The following PCDHGB1 variants were observed in gnomAD, a reference collection of about 807,000 sequenced individuals.
PCDHGB1 encodes the protein protocadherin gamma subfamily B, 1.
Under a neutral mutation model 56.6 loss-of-function variants are expected in PCDHGB1, and 34 were observed. The observed-to-expected ratio is 0.60, with a 90% CI of 0.46 to 0.80. The LOEUF (loss-of-function observed/expected upper bound fraction) is 0.80. PCDHGB1 is among the 30% of genes least tolerant of loss of function. The probability of loss-of-function intolerance (pLI) is 0.00; values close to 1 mark genes in which losing one functional copy is unlikely to be tolerated. For synonymous variants in PCDHGB1, 561 were observed against 505.9 expected (o/e 1.11, Z -1.46); for missense variants, 1,278 against 1,204.6 (o/e 1.06, Z -0.90).
Position 141,489,866 on chromosome 5 carries a change from A to AGCTGGT in PCDHGB1, c.2410-4937_2410-4932dup. ...GATCGTGAAGCCCAGGCAAGACATC[A>AGCTGGT]GCTGGTGCTTACTGCTGTGGATGGG... On this transcript the variant is annotated intron_variant, in intron 1 of 3. Coordinates refer to ENST00000523390, the MANE Select transcript of PCDHGB1 (RefSeq NM_018922.3). The surrounding 1 kb of genome is among the most constrained non-coding windows in gnomAD (Gnocchi z 4.5). The AGCTGGT allele has an allele frequency of 1.2e-6, 2 of 1,614,220 alleles. No individual in the cohort carries two copies. The highest frequency in any genetic ancestry group is 1.7e-6 in the Non-Finnish European group (2 of 1,180,018).
chr5:141,489,794 T>TA lies in PCDHGB1; in HGVS notation c.2410-5009dup. The TA allele has an allele frequency of 1.2e-6, 2 of 1,614,120 alleles. No homozygotes were observed. The highest frequency in any genetic ancestry group is 2.2e-5 in the South Asian group (2 of 91,076). The stretch of plus-strand genomic sequence containing the variant: ...CACTTCTCTCTGAATGTGAAGACCC[T>TA]AAAAGATGGGAAGCCATTCCCAGAG... On this transcript the variant is annotated intron_variant, in intron 1 of 3. Transcript: ENST00000523390. This position sits in a 1 kb window ranked among gnomAD's most constrained non-coding sequence, Gnocchi z 4.5.
chr5:141,477,433 C>T lies in PCDHGB1; in HGVS notation c.2410-17374C>T, dbSNP rs1389102640. On this transcript the variant is annotated intron_variant, in intron 1 of 3. Transcript: ENST00000523390. The surrounding 1 kb of genome is among the most constrained non-coding windows in gnomAD (Gnocchi z 4.9). ...ACGCCGGAACCCCTTCCCTCTCAGCCCTTACAATAGTGCGTGTTCAAGTGT... is the reference window on the plus strand; with the variant it reads ...ACGCCGGAACCCCTTCCCTCTCAGCTCTTACAATAGTGCGTGTTCAAGTGT... 6.2e-7 allele frequency: 1 copy of T among 1,614,048 alleles called. No individual in the cohort carries two copies. The highest frequency in any genetic ancestry group is 2.2e-5 in the East Asian group (1 of 44,892).
chr5:141,432,138 A>C lies in PCDHGB1; in HGVS notation c.2410-62669A>C, dbSNP rs2097456794. On this transcript the variant is annotated intron_variant, in intron 1 of 3. Coordinates refer to ENST00000523390, the MANE Select transcript of PCDHGB1 (RefSeq NM_018922.3). The surrounding 1 kb of genome is among the most constrained non-coding windows in gnomAD (Gnocchi z 6.0). ...TTCCCTCAGGCCTCCTATTCCGCTT[A>C]TATCCCAGAGAACAATCCCAGAGGA... 1 of 1,613,954 alleles carries C rather than the reference A, an allele frequency of 6.2e-7. No individual in the cohort carries two copies. Among genetic ancestry groups the C allele is most frequent in the African/African-American group, 1.3e-5 (1 of 74,882 alleles).
rs201021035 is a variant in PCDHGB1 at position 141,398,584 on chromosome 5, A to G, written c.2409+45915A>G. 8.7e-5 allele frequency: 141 copies of G among 1,614,066 alleles called. 1 individual carries two copies. In the African/African-American group the frequency reaches 1.0e-3, roughly 12 times the overall value. ...GTCTGCACAGCCTGGCACAAGATTT[A>G]TACTAGAAGTAGCAGAAGATGCAGA... On this transcript the variant is annotated intron_variant, in intron 1 of 3. Transcript: ENST00000523390.
intron 1 of PCDHGB1, chr5:141,390,466 G>A: frequency 1.4e-6 from 1 of 712,034 alleles, no homozygotes; most frequent in East Asian, 2.7e-5. Context: ...AGGAGCAATT[G>A]TGTGGCCCAA....
chr5:141,379,512 A>C (rs1476847864), intron 1 of PCDHGB1: 1 of 152,258 alleles, frequency 6.6e-6, no homozygotes, highest in African/African-American at 2.4e-5. Context: ...GTTAAACTAC[A>C]TCTTGAGCAT....
rs532502013 is a variant in PCDHGB1 at position 141,404,723 on chromosome 5, G to A, written c.2409+52054G>A. 3.1e-6 allele frequency: 5 copies of A among 1,614,094 alleles called. No individual in the cohort carries two copies. Among genetic ancestry groups the A allele is most frequent in the Middle Eastern group, 1.6e-4 (1 of 6,062 alleles). On this transcript the variant is annotated intron_variant, in intron 1 of 3. Coordinates refer to ENST00000523390, the MANE Select transcript of PCDHGB1 (RefSeq NM_018922.3). ...AGAGCCTGGCTACCTGGTGACCAAG[G>A]TGGTGGCAGTGGACAGAGACTCAGG...
chr5:141,478,847 AAC>A (rs2099480409), intron 1 of PCDHGB1: 1 of 1,389,782 alleles, frequency 7.2e-7, no homozygotes, highest in South Asian at 1.5e-5. Context: ...GTTAAGCTAA[AAC>A]ACAAGATCTC....
Position 141,491,886 on chromosome 5 carries a change from G to A in PCDHGB1, c.2410-2921G>A. On this transcript the variant is annotated intron_variant, in intron 1 of 3. Coordinates refer to ENST00000523390, the MANE Select transcript of PCDHGB1 (RefSeq NM_018922.3). The surrounding 1 kb of genome is among the most constrained non-coding windows in gnomAD (Gnocchi z 6.9). ...CCAGAGTGGCCGATTAAGGGATGGG[G>A]CTCCGAGCACCGGGGGTGGTGGCGA... 6.9e-7 allele frequency: 1 copy of A among 1,445,558 alleles called. No individual in the cohort carries two copies. Among genetic ancestry groups the A allele is most frequent in the Non-Finnish European group, 9.1e-7 (1 of 1,093,458 alleles). 89.5% of individuals were successfully genotyped at this position (1,445,558 alleles called of 1,614,324 possible). A position where few individuals can be genotyped will look rare whatever the true frequency, so the allele number is the denominator to read the frequency against.
intron 1 of PCDHGB1, chr5:141,419,533 C>A: frequency 6.2e-7 from 1 of 1,612,106 alleles, no homozygotes; most frequent in Non-Finnish European, 8.5e-7. Flanking sequence ...GTAACGACAA[C>A]GCACCGCGGG....
chr5:141,394,428 G>A lies in PCDHGB1; in HGVS notation c.2409+41759G>A, dbSNP rs199658498. On this transcript the variant is annotated intron_variant, in intron 1 of 3. Coordinates refer to ENST00000523390, the MANE Select transcript of PCDHGB1 (RefSeq NM_018922.3). ...ACTGGTAACAGCCAGCGACAGCGGG[G>A]ACCCGCCCCTCAGCAGCAACATGTC... 332 of 1,614,232 alleles carry A rather than the reference G, an allele frequency of 2.1e-4. 3 individuals are homozygous for A. In the African/African-American group the frequency reaches 4.0e-3, roughly 19 times the overall value.
chr5:141,476,483 G>T lies in PCDHGB1; in HGVS notation c.2410-18324G>T. On this transcript the variant is annotated intron_variant, in intron 1 of 3. Coordinates refer to ENST00000523390, the MANE Select transcript of PCDHGB1 (RefSeq NM_018922.3). The surrounding 1 kb of genome is among the most constrained non-coding windows in gnomAD (Gnocchi z 7.6). ...CCCGCTGGAGCTGTTCAGCGTGGAA[G>T]TGGTGATCCAGGACATCAACGACAA... 6.2e-7 allele frequency: 1 copy of T among 1,614,166 alleles called. No homozygotes were observed. The highest frequency in any genetic ancestry group is 8.5e-7 in the Non-Finnish European group (1 of 1,180,034).
intron 1 of PCDHGB1, chr5:141,404,856 G>C (rs1405688914): frequency 6.2e-7 from 1 of 1,613,890 alleles, no homozygotes; most frequent in Admixed American, 1.7e-5. Flanking sequence ...CTGCTAGATA[G>C]AGATGCGCTC....
chr5:141,413,381 G>A, intron 1 of PCDHGB1: 1 of 1,613,946 alleles, frequency 6.2e-7, no homozygotes, highest in Non-Finnish European at 8.5e-7. Flanking sequence ...CGCGGAGTCC[G>A]CATAGTCTCC....
At chr5:141,413,950 T>C (rs1448967281) in intron 1 of PCDHGB1, 1 of 1,613,264 alleles carries the variant, frequency 6.2e-7, no homozygotes. Context: ...TCCTGAGAAT[T>C]TGCCTGTGGG....
chr5:141,468,222 G>A lies in PCDHGB1; in HGVS notation c.2410-26585G>A, dbSNP rs560663102. 2.6e-3 allele frequency among the ~76,000 whole-genome samples: 401 copies of A among 151,572 alleles called. 2 individuals are homozygous for A. Among genetic ancestry groups the A allele is most frequent in the South Asian group, 0.02 (97 of 4,782 alleles). ...TGCCTGTAATTCCAGCTACTTGGGA[G>A]GATGAGGTAGGAGAATTGCCTGAAC... On this transcript the variant is annotated intron_variant, in intron 1 of 3. Coordinates refer to ENST00000523390, the MANE Select transcript of PCDHGB1 (RefSeq NM_018922.3).
intron 1 of PCDHGB1, chr5:141,375,721 G>T (rs1194190814): frequency 6.2e-7 from 1 of 1,614,266 alleles, no homozygotes; most frequent in South Asian, 1.1e-5. Context: ...GCAGCAACGT[G>T]TCACTGAGCC....
At chr5:141,355,130 A>AC in intron 1 of PCDHGB1, 1 of 1,518,662 alleles carries the variant, frequency 6.6e-7, no homozygotes, top group East Asian at 2.3e-5. Context: ...TTGGACCCAG[A>AC]AGATCCTGGG....
chr5:141,424,956 T>C (rs1435882776), intron 1 of PCDHGB1, among the ~76,000 whole-genome samples: 3 of 152,176 alleles, frequency 2.0e-5, no homozygotes, highest in African/African-American at 7.2e-5. Context: ...TTCTAGGTAT[T>C]TGCCCCAAAT....
Sources: allele counts gnomAD v4.1 joint callset (sites outside exome capture counted in the v4.1 genomes callset), GRCh38; gene constraint gnomAD v4.1.1; non-coding constraint Gnocchi (gnomAD v3.1); transcripts MANE v1.5; gene names NCBI Gene and HGNC (gene_info 2026-07-23, HGNC 2026-07-21).